SEMA3A: variants seen among roughly 807,000 people sequenced by gnomAD.
SEMA3A encodes semaphorin-3A.
In SEMA3A, 29 loss-of-function variants were observed where a neutral mutation model predicts 97.9. The ratio of observed to expected loss-of-function variants is 0.30; its 90% CI spans 0.22 to 0.40. SEMA3A has a LOEUF of 0.40. Among genes scored for constraint, SEMA3A ranks in the 10% least tolerant of loss-of-function variants. SEMA3A has a pLI of 1.00. For missense variants in SEMA3A, 763 were observed against 951.3 expected, an observed-to-expected ratio of 0.80 and a Z score of 2.60; for synonymous variants, 321 against 323.7, an observed-to-expected ratio of 0.99 and a Z score of 0.09.
intron 4 of SEMA3A, among the ~76,000 whole-genome samples, chr7:84,097,508 C>T (rs977358091): frequency 2.0e-5 from 3 of 152,016 alleles, no homozygotes; most frequent in East Asian, 1.9e-4. Context: ...GGCAGACTTG[C>T]GAATTGATTT....
intron 5 of SEMA3A, among the ~76,000 whole-genome samples, chr7:84,052,556 T>G (rs1792728414): frequency 6.6e-6 from 1 of 152,218 alleles, no homozygotes; most frequent in African/African-American, 2.4e-5. Flanking sequence ...TCGGTGGTGA[T>G]ATCCCCTTTG....
intron 2 of SEMA3A, among the ~76,000 whole-genome samples, chr7:84,333,784 T>C (rs1399186119): frequency 6.6e-6 from 1 of 152,178 alleles, no homozygotes; most frequent in Non-Finnish European, 1.5e-5. Flanking sequence ...ACAAAGTGAC[T>C]AAGTATCTGT....
intron 4 of SEMA3A, among the ~76,000 whole-genome samples, chr7:84,061,932 TAA>T (rs1473322605): frequency 3.3e-5 from 5 of 152,190 alleles, no homozygotes; most frequent in African/African-American, 9.7e-5. Flanking sequence ...AGAATTGTAC[TAA>T]GTTATAGTGG....
intron 2 of SEMA3A, among the ~76,000 whole-genome samples, chr7:84,359,458 T>C (rs1319864528): frequency 1.3e-5 from 2 of 152,114 alleles, no homozygotes; most frequent in African/African-American, 2.4e-5. Context: ...TTTGCGTATG[T>C]TGAACCAGCC....
chr7:84,480,709 T>C (rs1806421974), intron 1 of SEMA3A, among the ~76,000 whole-genome samples: 1 of 152,110 alleles, frequency 6.6e-6, no homozygotes, highest in Non-Finnish European at 1.5e-5. Context: ...TGTCCTCTTT[T>C]TAAAACGTAA....
At chr7:84,064,281 G>A (rs1279807137) in intron 4 of SEMA3A, among the ~76,000 whole-genome samples, 2 of 152,004 alleles carry the variant, frequency 1.3e-5, no homozygotes, top group Non-Finnish European at 2.9e-5. Context: ...ACTAAACATG[G>A]AAAGGAACAA....
At chr7:84,389,106 A>G (rs1417513343) in intron 1 of SEMA3A, among the ~76,000 whole-genome samples, 1 of 152,062 alleles carries the variant, frequency 6.6e-6, no homozygotes, top group East Asian at 1.9e-4. Flanking sequence ...AATTTGAAAT[A>G]CTTGTAGGAG....
At chr7:84,287,067 T>C (rs1269472790) in intron 3 of SEMA3A, among the ~76,000 whole-genome samples, 4 of 152,144 alleles carry the variant, frequency 2.6e-5, no homozygotes, top group East Asian at 3.9e-4. Context: ...GCTATTTTTA[T>C]CTCTTGATGA....
At position 84,473,847 on chromosome 7, in the gene SEMA3A, AT is replaced by A. The variant is rs1806214229; in HGVS notation, c.-246+18612del. ...AAGAGTAAAATTTTAAATTAAGAACATTAAAAAGACAAATATTAACAACACT... is the reference window on the plus strand; with the variant it reads ...AAGAGTAAAATTTTAAATTAAGAACATAAAAAGACAAATATTAACAACACT... On this transcript the variant is annotated intron_variant, in intron 1 of 3. Transcript: ENST00000424555. Among the ~76,000 whole-genome samples the A allele has an allele frequency of 3.9e-5, 6 of 152,344 alleles. No individual in the cohort carries two copies. In the South Asian group the frequency reaches 1.0e-3, roughly 26 times the overall value.
chr7:84,329,374 C>T (rs953703362), intron 2 of SEMA3A, among the ~76,000 whole-genome samples: 1 of 151,950 alleles, frequency 6.6e-6, no homozygotes, highest in African/African-American at 2.4e-5. Context: ...TGGTGGATAT[C>T]ACCACATTAT....
At chr7:84,232,234 T>G (rs1799132113) in intron 3 of SEMA3A, among the ~76,000 whole-genome samples, 1 of 148,132 alleles carries the variant, frequency 6.8e-6, no homozygotes, top group Admixed American at 6.8e-5. Flanking sequence ...TTCCACAAAT[T>G]ATATATATAT....
intron 3 of SEMA3A, among the ~76,000 whole-genome samples, chr7:84,213,995 T>A (rs1798689285): frequency 2.0e-5 from 3 of 152,212 alleles, no homozygotes; most frequent in African/African-American, 7.2e-5. Context: ...ATATGATAGT[T>A]ATGAAAATAT....
At chr7:84,155,020 T>C (rs1796797666) in intron 1 of SEMA3A, among the ~76,000 whole-genome samples, 1 of 152,160 alleles carries the variant, frequency 6.6e-6, no homozygotes, top group Admixed American at 6.5e-5. Context: ...TCCACCTCTC[T>C]TTGAGAGCTG....
chr7:84,451,435 A>G (rs2116365688), intron 1 of SEMA3A, among the ~76,000 whole-genome samples: 1 of 152,310 alleles, frequency 6.6e-6, no homozygotes, highest in African/African-American at 2.4e-5. Context: ...TAACTCCTAA[A>G]TTGATTAAAG....
chr7:84,376,850 T>TTATGTATGTATGTATG (rs144265483), intron 1 of SEMA3A, among the ~76,000 whole-genome samples: 10 of 151,270 alleles, frequency 6.6e-5, no homozygotes, highest in African/African-American at 2.4e-4. Context: ...AGATTTATTT[T>TTATGTATGTATGTATG]TATGTATGTA....
chr7:83,994,030 T>C (rs1336666815), intron 12 of SEMA3A, among the ~76,000 whole-genome samples: 1 of 148,188 alleles, frequency 6.7e-6, no homozygotes, highest in Non-Finnish European at 1.5e-5. Context: ...TATTCTTTTT[T>C]CTCTAAACTT....
At position 84,479,469 on chromosome 7, in the gene SEMA3A, A is replaced by G. The variant is rs1403858263; in HGVS notation, c.-246+12991T>C. ...TTTTGTCAAGGCTGTGTTGCACACAAAAATGTAGACATCATGGCCCCTGTG... is the reference window on the plus strand; with the variant it reads ...TTTTGTCAAGGCTGTGTTGCACACAGAAATGTAGACATCATGGCCCCTGTG... On this transcript the variant is annotated intron_variant, in intron 1 of 3. Transcript: ENST00000424555. 3.9e-5 allele frequency among the ~76,000 whole-genome samples: 6 copies of G among 152,324 alleles called. No individual in the cohort carries two copies. In the East Asian group the frequency reaches 1.2e-3, roughly 29 times the overall value.
intron 1 of SEMA3A, among the ~76,000 whole-genome samples, chr7:84,388,316 T>A (rs1435275143): frequency 6.6e-6 from 1 of 152,076 alleles, no homozygotes; most frequent in Admixed American, 6.6e-5. Flanking sequence ...CCATAACCTT[T>A]TATACTTCTT....
At chr7:84,125,249 GTCTC>G (rs1387051100) in intron 3 of SEMA3A, among the ~76,000 whole-genome samples, 1 of 152,124 alleles carries the variant, frequency 6.6e-6, no homozygotes. Flanking sequence ...AAAAATGTGT[GTCTC>G]TCTATGCACT....
Sources: allele counts gnomAD v4.1 joint callset (sites outside exome capture counted in the v4.1 genomes callset), GRCh38; gene constraint gnomAD v4.1.1; transcripts MANE v1.5; gene names NCBI Gene and HGNC (gene_info 2026-07-23, HGNC 2026-07-21).